IL22: variants seen among roughly 807,000 people sequenced by gnomAD.
IL22 encodes the protein interleukin-22.
IL22 carries 15 observed loss-of-function variants against 15.5 expected under a neutral mutation model. The ratio of observed to expected loss-of-function variants is 0.97; its 90% CI spans 0.65 to 1.49. IL22 has a LOEUF of 1.49. Among genes scored for constraint, IL22 ranks in the 40% most tolerant of loss-of-function variants. The pLI, the probability that IL22 is intolerant of heterozygous loss-of-function variation, is 0.00. For synonymous variants in IL22, 91 were observed against 82.0 expected, an observed-to-expected ratio of 1.11 and a Z score of -0.60; for missense variants, 225 against 215.4, an observed-to-expected ratio of 1.04 and a Z score of -0.28.
intron 2 of IL22, 107 bp downstream of exon 2, chr12:68,253,156 A>C: frequency 1.1e-6 from 1 of 929,892 alleles, no homozygotes; most frequent in Non-Finnish European, 1.6e-6. Context: ...ACCCTCAGGG[A>C]TAAACAGTGG....
At chr12:68,249,219 C>T (rs1869842853) in intron 5 of IL22, among the ~76,000 whole-genome samples, 1 of 152,168 alleles carries the variant, frequency 6.6e-6, no homozygotes. Context: ...ACCCATTATG[C>T]CTTGGCCTGT....
chr12:68,251,406 G>T, intron 5 of IL22, 107 bp downstream of exon 5: 2 of 813,394 alleles, frequency 2.5e-6, no homozygotes, highest in African/African-American at 1.7e-5. Flanking sequence ...CCTGGTGGTA[G>T]GAGAATCAAG....
intron 5 of IL22, among the ~76,000 whole-genome samples, chr12:68,249,692 G>A (rs1373889026): frequency 1.3e-5 from 2 of 152,174 alleles, no homozygotes; most frequent in African/African-American, 4.8e-5. Flanking sequence ...AAATGCAGAT[G>A]AGGATCCCAA....
At chr12:68,253,056 A>T (rs17224704) in intron 2 of IL22, among the ~76,000 whole-genome samples, 13,416 of 149,898 alleles carry the variant, frequency 0.09, 860 homozygotes, top group Admixed American at 0.1. Flanking sequence ...CATCATATGT[A>T]TCATAAAGGC....
intron 2 of IL22, 42 bp from the exon 3 acceptor site, chr12:68,252,871 A>G (rs1398546851): frequency 6.5e-7 from 1 of 1,548,280 alleles, no homozygotes; most frequent in South Asian, 1.1e-5. Flanking sequence ...CATTGAGCAA[A>G]TAGAAAAAAA....
rs953835147 is a variant in IL22, at chr12:68,253,501, G to A, written c.-46-7C>T. 2.5e-5 allele frequency: 36 copies of A among 1,412,094 alleles called. No homozygotes were observed. In the African/African-American group the frequency reaches 5.1e-4, roughly 20 times the overall value. 87.5% of individuals were successfully genotyped at this position (1,412,094 alleles called of 1,614,324 possible). ...GTGACTGGGGAAGGAGAACCTGGTC[G>A]AAGACAACGTGAAGGAACAAAATTA... is the stretch of plus-strand genomic sequence containing the variant. On this transcript the variant is annotated splice_polypyrimidine_tract_variant and splice_region_variant and intron_variant, in intron 1 of 5. Transcript: ENST00000538666.
intron 5 of IL22, among the ~76,000 whole-genome samples, chr12:68,250,355 G>C (rs1869885567): frequency 6.6e-6 from 1 of 152,166 alleles, no homozygotes; most frequent in African/African-American, 2.4e-5. Context: ...TCCATGTCTA[G>C]ATAATAGTTC....
chr12:68,249,988 G>A (rs930584303), intron 5 of IL22, among the ~76,000 whole-genome samples: 8 of 152,062 alleles, frequency 5.3e-5, no homozygotes, highest in Middle Eastern at 3.4e-3. Context: ...ACCAACCTGC[G>A]TTCTGCTTTT....
At chr12:68,253,066 C>T (rs999699049) in intron 2 of IL22, among the ~76,000 whole-genome samples, 197 bp downstream of exon 2, 8 of 142,628 alleles carry the variant, frequency 5.6e-5, no homozygotes, top group African/African-American at 1.9e-4. Flanking sequence ...ATCATAAAGG[C>T]CAAAATGGAA....
In IL22 at chr12:68,251,361, G is replaced by A. The variant is rs189946064; in HGVS notation, c.462+152C>T. The A allele has an allele frequency of 4.8e-6, 3 of 623,738 alleles. No homozygotes were observed. In the African/African-American group the frequency reaches 5.5e-5, roughly 11 times the overall value. The allele number at this position is 623,738 out of a possible 1,614,324, so 38.6% of individuals were successfully genotyped here. On this transcript the variant is annotated intron_variant, in intron 5 of 5. Transcript: ENST00000538666. ...TTGGAAACTGACATCTAGATATATA[G>A]ATATATCTACATACACAGACACCAA...
rs771827145 is a variant in IL22 at position 68,248,797 on chromosome 12, G to T, written c.*2C>A. 5 of 1,609,198 alleles carry T rather than the reference G, an allele frequency of 3.1e-6. No homozygotes were observed. Among genetic ancestry groups the T allele is most frequent in the Admixed American group, 1.7e-5 (1 of 59,884 alleles). On this transcript the variant is annotated 3_prime_UTR_variant, in exon 6 of 6. Transcript: ENST00000538666. ...GTTATTCATTTTTCAGCTTTGCTCT[G>T]GTCAAATGCAGGCATTTCTCAGAGA... is the stretch of plus-strand genomic sequence containing the variant.
At position 68,248,614 on chromosome 12, in the gene IL22, C is replaced by G. The variant is rs909687030; in HGVS notation, c.*185G>C. 2 of 566,670 alleles carry G rather than the reference C, an allele frequency of 3.5e-6. No individual in the cohort carries two copies. The highest frequency in any genetic ancestry group is 3.8e-5 in the African/African-American group (2 of 53,284). 35.1% of individuals were successfully genotyped at this position (566,670 alleles called of 1,614,324 possible). ...ATGCTTAGAAAGTCTACCTTCTGGT[C>G]TTATAAACAAAAGTGGCATTGGTTT... is the stretch of plus-strand genomic sequence containing the variant. On this transcript the variant is annotated 3_prime_UTR_variant, in exon 6 of 6. Coordinates refer to ENST00000538666, the MANE Select transcript of IL22 (RefSeq NM_020525.5).
chr12:68,251,427 C>T lies in IL22; in HGVS notation c.462+86G>A, dbSNP rs1869926085. ...GGTAGGAGAATCAAGTGAAAAATCA[C>T]AAAGTGATGGGAAGAAAGAAAGGAA... is the stretch of plus-strand genomic sequence containing the variant. On this transcript the variant is annotated intron_variant, in intron 5 of 5. Coordinates refer to ENST00000538666, the MANE Select transcript of IL22 (RefSeq NM_020525.5). 3 of 1,021,612 alleles carry T rather than the reference C, an allele frequency of 2.9e-6. No individual in the cohort carries two copies. The South Asian group carries it at 3.9e-5, about 13-fold the overall frequency. 63.3% of individuals were successfully genotyped at this position (1,021,612 alleles called of 1,614,324 possible).
At position 68,253,360 on chromosome 12, in the gene IL22, C is replaced by G. The variant is rs1870008578; in HGVS notation, c.89G>C (p.Gly30Ala). The G allele has an allele frequency of 2.5e-6, 4 of 1,613,722 alleles. No homozygotes were observed. Among genetic ancestry groups the G allele is most frequent in the Non-Finnish European group, 3.4e-6 (4 of 1,179,770 alleles). Residue 30 changes from glycine to alanine, a missense_variant, in exon 2 of 6, where the codon GGA becomes GCA. By Grantham distance (60) the Gly-to-Ala change is moderately conservative. Transcript: ENST00000538666. ...CLLLLALLVQ[G>A]GAAAPISSHC... Reference sequence around the variant, plus strand: ...GGAGCTGATGGGCGCAGCTGCTCCTCCCTGTACCAAGAGGGCCAAGAGAAG... The same window carrying G: ...GGAGCTGATGGGCGCAGCTGCTCCTGCCTGTACCAAGAGGGCCAAGAGAAG...
At chr12:68,251,778 A>G (rs1869940256) in intron 4 of IL22, among the ~76,000 whole-genome samples, 200 bp from the exon 5 acceptor site, 1 of 152,150 alleles carries the variant, frequency 6.6e-6, no homozygotes, top group African/African-American at 2.4e-5. Flanking sequence ...CACTTCCCTT[A>G]CAAGAGACCT....
Position 68,253,267 on chromosome 12 carries a change from T to C in IL22, c.182A>G (p.Lys61Arg), listed in dbSNP as rs1334364922. ...GAGCAGGATTGAGATGTATACCTCCTTAGCCAGCATGAAGGTGCGGTTGGT... is the reference window on the plus strand; with the variant it reads ...GAGCAGGATTGAGATGTATACCTCCCTAGCCAGCATGAAGGTGCGGTTGGT... ...YITNRTFMLAKEASLADNNTD... is the reference protein window; with the variant it reads ...YITNRTFMLAREASLADNNTD... The change falls in exon 2 of 6, where the codon AAG (lysine) becomes AGG (arginine). Residue 61 changes from lysine to arginine, a missense_variant. Lys to Arg is a conservative substitution (Grantham distance 26, BLOSUM62 2). Coordinates refer to ENST00000538666, the MANE Select transcript of IL22 (RefSeq NM_020525.5). 6.2e-7 allele frequency: 1 copy of C among 1,612,848 alleles called. No homozygotes were observed. Among genetic ancestry groups the C allele is most frequent in the African/African-American group, 1.3e-5 (1 of 74,866 alleles).
At chr12:68,249,109 T>G (rs1266832051) in intron 5 of IL22, among the ~76,000 whole-genome samples, 1 of 152,166 alleles carries the variant, frequency 6.6e-6, no homozygotes, top group Non-Finnish European at 1.5e-5. Flanking sequence ...CACCTCACAC[T>G]AATGAAGCTG....
At chr12:68,253,212 A>G in intron 2 of IL22, 51 bp downstream of exon 2, 1 of 1,489,326 alleles carries the variant, frequency 6.7e-7, no homozygotes, top group Non-Finnish European at 9.2e-7. Flanking sequence ...TTTAAGAACT[A>G]TTTGGATTCC....
intron 4 of IL22, among the ~76,000 whole-genome samples, 154 bp downstream of exon 4, chr12:68,252,350 C>G (rs902862586): frequency 2.0e-5 from 3 of 152,128 alleles, no homozygotes; most frequent in Non-Finnish European, 4.4e-5. Flanking sequence ...AGCAAATACT[C>G]TATGATCCCA....
Sources: allele counts gnomAD v4.1 joint callset (sites outside exome capture counted in the v4.1 genomes callset), GRCh38; gene constraint gnomAD v4.1.1; transcripts MANE v1.5; gene names NCBI Gene and HGNC (gene_info 2026-07-23, HGNC 2026-07-21).